Variants in WDFY4 observed in about 807,000 individuals in gnomAD.
WDFY4 encodes the protein WDFY family member 4, also known as WD repeat- and FYVE domain-containing protein 4.
WDFY4 carries 169 observed loss-of-function variants against 351.9 expected under a neutral mutation model. The ratio of observed to expected loss-of-function variants is 0.48; its 90% CI spans 0.42 to 0.55. WDFY4 has a LOEUF of 0.55. Among genes scored for constraint, WDFY4 ranks in the 20% least tolerant of loss-of-function variants. WDFY4 has a pLI of 0.00. For missense variants in WDFY4, 3,803 were observed against 3,935.6 expected, an observed-to-expected ratio of 0.97 and a Z score of 0.90; for synonymous variants, 1,622 against 1,574.6, an observed-to-expected ratio of 1.03 and a Z score of -0.71.
In WDFY4 at chr10:48,706,605, T is replaced by C. The variant is rs373501792; in HGVS notation, c.-17-3111T>C. ...GGAAGCTCGAGCTCTTGTACACTTA[T>C]GTAGAAGGAATGTCTGTCCCTTGAT... is the stretch of plus-strand genomic sequence containing the variant. On this transcript the variant is annotated intron_variant, in intron 1 of 61. Coordinates refer to ENST00000325239, the MANE Select transcript of WDFY4 (RefSeq NM_001394531.1). Among the ~76,000 whole-genome samples, 9 of 152,314 alleles carry C rather than the reference T, an allele frequency of 5.9e-5. No individual in the cohort carries two copies. The East Asian group carries it at 1.7e-3, about 29-fold the overall frequency.
chr10:48,767,233 A>G (rs1453009784), intron 13 of WDFY4, among the ~76,000 whole-genome samples: 1 of 152,186 alleles, frequency 6.6e-6, no homozygotes, highest in Non-Finnish European at 1.5e-5. Flanking sequence ...GGGTGTGATG[A>G]TATTTTCCCA....
intron 43 of WDFY4, among the ~76,000 whole-genome samples, chr10:48,889,549 G>A (rs2070603873): frequency 6.6e-6 from 1 of 151,966 alleles, no homozygotes; most frequent in African/African-American, 2.4e-5. Flanking sequence ...ACTGGAATTA[G>A]CACAAAATTA....
chr10:48,774,422 C>T (rs2065963082), intron 13 of WDFY4, 36 bp from the exon 14 acceptor site: 1 of 1,549,680 alleles, frequency 6.5e-7, no homozygotes, highest in Non-Finnish European at 8.7e-7. Flanking sequence ...GGTGTTCTGC[C>T]CTGGAGGGCT....
chr10:48,965,359 G>T (rs1462438425), intron 54 of WDFY4, among the ~76,000 whole-genome samples: 1 of 152,182 alleles, frequency 6.6e-6, no homozygotes, highest in Non-Finnish European at 1.5e-5. Context: ...AGACAAGATT[G>T]CAGCACTCAG....
In WDFY4 at chr10:48,974,527, A is replaced by AAAAAAAAAAAAAAAAAAAAACAAAACAAC; in HGVS notation, c.8929-333_8929-332insAAAAAAAAAAAAAAAAAACAAAACAACAA. ...CAAAAAAAAAAAAAAAAAAAAAAAA[A>AAAAAAAAAAAAAAAAAAAAACAAAACAAC]AACAACTCATGACATGAACTGCTCC... On this transcript the variant is annotated intron_variant, in intron 57 of 61. Coordinates refer to ENST00000325239, the MANE Select transcript of WDFY4 (RefSeq NM_001394531.1). 1.6e-3 allele frequency among the ~76,000 whole-genome samples: 36 copies of AAAAAAAAAAAAAAAAAAAAACAAAACAAC among 23,194 alleles called. 4 individuals are homozygous for AAAAAAAAAAAAAAAAAAAAACAAAACAAC. The highest frequency in any genetic ancestry group is 4.2e-3 in the Admixed American group (7 of 1,670). 15.2% of individuals were successfully genotyped at this position (23,194 alleles called of 152,430 possible).
intron 23 of WDFY4, among the ~76,000 whole-genome samples, chr10:48,792,191 G>C (rs889703105): frequency 6.6e-6 from 1 of 152,108 alleles, no homozygotes; most frequent in Non-Finnish European, 1.5e-5. Context: ...CCTCCGCTCA[G>C]AGCACCTCTT....
At position 48,880,569 on chromosome 10, in the gene WDFY4, C is replaced by T. The variant is rs11101546; in HGVS notation, c.7167+3370C>T. 8.6e-3 allele frequency among the ~76,000 whole-genome samples: 1,312 copies of T among 152,312 alleles called. 19 individuals are homozygous for T. Among genetic ancestry groups the T allele is most frequent in the African/African-American group, 0.03 (1,239 of 41,566 alleles). ...TGTGCAGACAGGAGCATGTGGAACCCGGTGGGCGGTCGGGAGGGGAAAGAG... is the reference window on the plus strand; with the variant it reads ...TGTGCAGACAGGAGCATGTGGAACCTGGTGGGCGGTCGGGAGGGGAAAGAG... On this transcript the variant is annotated intron_variant, in intron 43 of 61. Coordinates refer to ENST00000325239, the MANE Select transcript of WDFY4 (RefSeq NM_001394531.1).
At chr10:48,752,263 A>G (rs1012034693) in intron 12 of WDFY4, among the ~76,000 whole-genome samples, 3 of 152,208 alleles carry the variant, frequency 2.0e-5, no homozygotes, top group South Asian at 2.1e-4. Flanking sequence ...CCGAATCACA[A>G]ATCCCTGGGG....
intron 7 of WDFY4, 91 bp from the exon 8 acceptor site, chr10:48,729,341 C>A (rs1167191863): frequency 1.2e-5 from 18 of 1,491,874 alleles, no homozygotes. Flanking sequence ...CTTGCAGATC[C>A]CCATTGGCTC....
At chr10:48,687,519 G>A (rs1206952662) in intron 1 of WDFY4, among the ~76,000 whole-genome samples, 1 of 151,520 alleles carries the variant, frequency 6.6e-6, no homozygotes, top group Non-Finnish European at 1.5e-5. Flanking sequence ...TGGCTTTTGT[G>A]TATGGCGTGA....
chr10:48,822,794 T>G (rs1205483238), intron 35 of WDFY4, among the ~76,000 whole-genome samples: 2 of 152,240 alleles, frequency 1.3e-5, no homozygotes, highest in African/African-American at 4.8e-5. Context: ...CTGAGCTCTG[T>G]AAACTCCTAG....
chr10:48,801,058 C>T (rs1397937962), intron 24 of WDFY4, among the ~76,000 whole-genome samples: 1 of 152,132 alleles, frequency 6.6e-6, no homozygotes, highest in Non-Finnish European at 1.5e-5. Context: ...AAGGAACTGA[C>T]TAGTTCATTT....
chr10:48,897,409 C>T (rs1837138259), intron 44 of WDFY4, 45 bp from the exon 45 acceptor site: 1 of 1,539,978 alleles, frequency 6.5e-7, no homozygotes, highest in Non-Finnish European at 8.8e-7. Flanking sequence ...CGTGTCCTCA[C>T]TCTGATGTCT....
intron 35 of WDFY4, chr10:48,823,188 G>A: frequency 1.5e-6 from 2 of 1,301,190 alleles, no homozygotes; most frequent in Non-Finnish European, 2.0e-6. Flanking sequence ...TTAGATCTCA[G>A]CCCCATTACA....
At chr10:48,825,668 T>C (rs1019317903) in intron 35 of WDFY4, among the ~76,000 whole-genome samples, 1 of 152,222 alleles carries the variant, frequency 6.6e-6, no homozygotes, top group African/African-American at 2.4e-5. Context: ...TGAGATAGTA[T>C]CTCATTGTGG....
chr10:48,687,724 C>T (rs1471309688), intron 1 of WDFY4, among the ~76,000 whole-genome samples: 2 of 145,530 alleles, frequency 1.4e-5, no homozygotes, highest in Non-Finnish European at 3.0e-5. Flanking sequence ...AAGCAATTAT[C>T]CTGCCTCAGC....
At chr10:48,766,740 G>A (rs2065684316) in intron 13 of WDFY4, among the ~76,000 whole-genome samples, 1 of 152,256 alleles carries the variant, frequency 6.6e-6, no homozygotes, top group Non-Finnish European at 1.5e-5. Flanking sequence ...ATTATCAGCT[G>A]ACCTTGGTAA....
rs557285079 is a variant in WDFY4, at chr10:48,731,393, G to A, written c.1413G>A (p.Gln471=). Residue 471 remains glutamine (Q), a synonymous_variant, in exon 9 of 62, where the codon CAG becomes CAA. Transcript: ENST00000325239. ...YVPHEILRKV[Q]HLIKESPGPS... ...CTCATGAGATCCTGCGAAAGGTACA[G>A]CATCTGATCAAGGAGAGCCCTGGGC... 3 of 1,551,766 alleles carry A rather than the reference G, an allele frequency of 1.9e-6. No homozygotes were observed. The highest frequency in any genetic ancestry group is 2.0e-5 in the Admixed American group (1 of 51,012).
At chr10:48,961,920 CATATGGGTTAT>C (rs1841877073) in intron 53 of WDFY4, among the ~76,000 whole-genome samples, 1 of 152,096 alleles carries the variant, frequency 6.6e-6, no homozygotes, top group African/African-American at 2.4e-5. Flanking sequence ...TGGCCCCAGA[CATATGGGTTAT>C]GTCCAGCAAG....
Sources: gnomAD v4.1 joint callset for allele counts (sites outside exome capture counted in the v4.1 genomes callset) on GRCh38, gnomAD v4.1.1 for gene constraint, MANE v1.5 for transcripts, NCBI Gene and HGNC (gene_info 2026-07-23, HGNC 2026-07-21) for gene names.